ANXA8: variants seen among roughly 807,000 people sequenced by gnomAD.
The protein encoded by ANXA8 is VAC-beta.
Under a neutral mutation model 26.8 loss-of-function variants are expected in ANXA8, and 9 were observed. The observed-to-expected ratio is 0.34, with a 90% confidence interval of 0.20 to 0.59. The LOEUF (loss-of-function observed/expected upper bound fraction) is 0.59, where lower values mean the gene tolerates loss of function less well. Among genes scored for constraint, ANXA8 ranks in the 20% least tolerant of loss-of-function variants. The pLI is 0.84. For synonymous variants in ANXA8, 39 were observed against 94.8 expected, an observed-to-expected ratio of 0.41 and a Z score of 3.42; for missense variants, 83 against 238.5, an observed-to-expected ratio of 0.35 and a Z score of 4.29.
chr10:47,960,678 C>A, the ANXA8 span, among the ~76,000 whole-genome samples: 2 of 148,994 alleles, frequency 1.3e-5, 1 homozygote, highest in Non-Finnish European at 3.0e-5. Context: ...AACCATGTCA[C>A]CCGCACTCAG....
At chr10:47,939,482 G>C in the ANXA8 span, among the ~76,000 whole-genome samples, 2 of 144,234 alleles carry the variant, frequency 1.4e-5, 1 homozygote, top group African/African-American at 5.5e-5. Flanking sequence ...AGGCTTTCCT[G>C]GTTCTGCTGT....
At chr10:47,623,805 T>C in the ANXA8 span, among the ~76,000 whole-genome samples, 2 of 111,770 alleles carry the variant, frequency 1.8e-5, no homozygotes, top group Non-Finnish European at 3.9e-5. Context: ...TTAGATAATA[T>C]ATTTTACTAC....
the ANXA8 span, among the ~76,000 whole-genome samples, chr10:47,630,473 T>A: frequency 7.3e-5 from 11 of 149,946 alleles, 1 homozygote; most frequent in Admixed American, 7.2e-4. Context: ...AATTAAACTA[T>A]AATTAAAACA....
chr10:47,668,247 G>T, the ANXA8 span, among the ~76,000 whole-genome samples: 2 of 151,142 alleles, frequency 1.3e-5, no homozygotes, highest in East Asian at 3.9e-4. Flanking sequence ...ATTTTCCTAA[G>T]TTTAATTTCC....
chr10:47,618,357 G>A, the ANXA8 span, among the ~76,000 whole-genome samples: 190 of 110,612 alleles, frequency 1.7e-3, 39 homozygotes, highest in African/African-American at 6.4e-3. Flanking sequence ...CCAAGTAAAT[G>A]AAATGACAAG....
chr10:47,948,670 A>T, the ANXA8 span, among the ~76,000 whole-genome samples: 7 of 150,462 alleles, frequency 4.7e-5, no homozygotes, highest in Non-Finnish European at 1.0e-4. Context: ...TGAGAAGGAA[A>T]GGAAAGAGGG....
At chr10:47,733,197 CTTTCTT>C in the ANXA8 span, among the ~76,000 whole-genome samples, 2 of 109,726 alleles carry the variant, frequency 1.8e-5, no homozygotes, top group Non-Finnish European at 4.3e-5. Context: ...TTCTTTCTTT[CTTTCTT>C]TCTTTCTTTC....
chr10:47,916,606 C>T, the ANXA8 span, among the ~76,000 whole-genome samples: 19,192 of 131,480 alleles, frequency 0.15, 999 homozygotes, highest in Middle Eastern at 0.16. Context: ...ATGATCATAC[C>T]ACACCAGTTA....
At chr10:47,697,358 T>G in the ANXA8 span, among the ~76,000 whole-genome samples, 1 of 152,090 alleles carries the variant, frequency 6.6e-6, no homozygotes, top group African/African-American at 2.4e-5. Context: ...GCACATAATG[T>G]AGTAGTAACA....
chr10:47,659,816 A>T, the ANXA8 span, among the ~76,000 whole-genome samples: 16 of 145,974 alleles, frequency 1.1e-4, 2 homozygotes, highest in African/African-American at 4.1e-4. Flanking sequence ...GGGTGCAGTG[A>T]TGTGATCTCT....
chr10:47,679,822 G>A, the ANXA8 span, among the ~76,000 whole-genome samples: 1 of 151,902 alleles, frequency 6.6e-6, no homozygotes, highest in South Asian at 2.1e-4. Context: ...GGTGGCTAAG[G>A]TGGGAGGATT....
the ANXA8 span, among the ~76,000 whole-genome samples, chr10:47,950,829 A>G: frequency 6.6e-6 from 1 of 151,010 alleles, no homozygotes; most frequent in Admixed American, 6.6e-5. Flanking sequence ...ATGATTAGAG[A>G]CAAATTTATA....
the ANXA8 span, among the ~76,000 whole-genome samples, chr10:47,975,047 A>G: frequency 6.7e-6 from 1 of 150,016 alleles, no homozygotes; most frequent in African/African-American, 2.4e-5. Flanking sequence ...TCCTGGGATT[A>G]ATACTCATTT....
the ANXA8 span, among the ~76,000 whole-genome samples, chr10:47,700,692 T>A: frequency 6.6e-6 from 1 of 151,604 alleles, no homozygotes; most frequent in South Asian, 2.1e-4. Context: ...CAAAACACTA[T>A]AAACAAAGTC....
chr10:47,617,994 G>A, the ANXA8 span, among the ~76,000 whole-genome samples: 4 of 113,376 alleles, frequency 3.5e-5, no homozygotes, highest in Non-Finnish European at 5.8e-5. Context: ...CATTTTGACT[G>A]GGGAGAAAAA....
At chr10:47,565,158 C>T in the ANXA8 span, 1 of 734,674 alleles carries the variant, frequency 1.4e-6, no homozygotes, top group Non-Finnish European at 2.5e-6. Flanking sequence ...CAGAGCAGCC[C>T]GAAGCTGCTG....
chr10:47,626,306 T>C, the ANXA8 span, among the ~76,000 whole-genome samples: 1 of 150,224 alleles, frequency 6.7e-6, no homozygotes, highest in Admixed American at 6.6e-5. Context: ...AATCACTTTT[T>C]TCACATGAAT....
chr10:47,755,163 G>A, the ANXA8 span, among the ~76,000 whole-genome samples: 1 of 151,496 alleles, frequency 6.6e-6, no homozygotes, highest in African/African-American at 2.4e-5. Context: ...TACTATGTTG[G>A]CCAGGATGGT....
the ANXA8 span, among the ~76,000 whole-genome samples, chr10:47,497,150 A>C: frequency 6.7e-6 from 1 of 148,524 alleles, no homozygotes; most frequent in African/African-American, 2.5e-5. Context: ...GAGAAACCCC[A>C]TACCTACCAA....
Sources: allele counts gnomAD v4.1 joint callset (sites outside exome capture counted in the v4.1 genomes callset), GRCh38; gene constraint gnomAD v4.1.1; transcripts MANE v1.5; gene names NCBI Gene and HGNC (gene_info 2026-07-23, HGNC 2026-07-21).